ARHGEF10L: variants seen among roughly 807,000 people sequenced by gnomAD.
The protein encoded by ARHGEF10L is rho guanine nucleotide exchange factor 10-like protein.
Under a neutral mutation model 141.2 loss-of-function variants are expected in ARHGEF10L, and 69 were observed. That is an observed-to-expected ratio of 0.49 (90% CI 0.40 to 0.60). The LOEUF is 0.60. Ranked by LOEUF, ARHGEF10L falls within the 20% of genes least tolerant of loss-of-function variation. The probability of loss-of-function intolerance (pLI) is 0.00; values close to 1 mark genes in which losing one functional copy is unlikely to be tolerated. For synonymous variants in ARHGEF10L, 711 were observed against 718.5 expected, an observed-to-expected ratio of 0.99 and a Z score of 0.17; for missense variants, 1,482 against 1,734.3, an observed-to-expected ratio of 0.85 and a Z score of 2.58.
chr1:17,626,387 A>T (rs1474423263), intron 14 of ARHGEF10L, among the ~76,000 whole-genome samples: 1 of 152,084 alleles, frequency 6.6e-6, no homozygotes, highest in Non-Finnish European at 1.5e-5. Flanking sequence ...TGGCCATTTC[A>T]GATTCGAGCT....
At chr1:17,616,724 C>T (rs2059828271) in intron 9 of ARHGEF10L, among the ~76,000 whole-genome samples, 1 of 152,198 alleles carries the variant, frequency 6.6e-6, no homozygotes, top group Non-Finnish European at 1.5e-5. Flanking sequence ...ACAAGTGGTC[C>T]ACTGGGGTGC....
the ARHGEF10L span, among the ~76,000 whole-genome samples, chr1:17,518,714 C>A: frequency 6.7e-6 from 1 of 148,150 alleles, no homozygotes; most frequent in Non-Finnish European, 1.5e-5. Flanking sequence ...ATCACTTGAA[C>A]CTGGGAGGCG....
chr1:17,626,117 G>A (rs2060371555), intron 14 of ARHGEF10L, 69 bp downstream of exon 14: 1 of 1,398,760 alleles, frequency 7.1e-7, no homozygotes, highest in Non-Finnish European at 1.0e-6. Flanking sequence ...GCCTCCTGGG[G>A]TAGGAGGGAG....
Position 17,697,812 on chromosome 1 carries a change from T to G in ARHGEF10L, c.*432T>G. ...GTATATTATATGTGTATAAATAAAG[T>G]CTGTACATATTGGAGCTCTGGGAGA... On this transcript the variant is annotated 3_prime_UTR_variant, in exon 29 of 29. Transcript: ENST00000361221. The surrounding 1 kb of genome is among the most constrained non-coding windows in gnomAD (Gnocchi z 4.8). 3.4e-6 allele frequency: 1 copy of G among 298,478 alleles called. No individual in the cohort carries two copies. Among genetic ancestry groups the G allele is most frequent in the Non-Finnish European group, 6.9e-6 (1 of 144,242 alleles). 18.5% of individuals were successfully genotyped at this position (298,478 alleles called of 1,614,324 possible).
intron 1 of ARHGEF10L, among the ~76,000 whole-genome samples, chr1:17,548,949 C>A (rs2077014660): frequency 6.7e-6 from 1 of 150,088 alleles, no homozygotes; most frequent in South Asian, 2.1e-4. Context: ...ACTTCTGGCC[C>A]TGGGATGGCA....
intron 21 of ARHGEF10L, 125 bp downstream of exon 21, chr1:17,640,427 G>A (rs1434219615): frequency 1.3e-6 from 1 of 781,012 alleles, no homozygotes; most frequent in African/African-American, 1.8e-5. Context: ...CTGAGTGGGA[G>A]GGAGGTGGTG....
the ARHGEF10L span, among the ~76,000 whole-genome samples, chr1:17,517,658 ATTATTC>A: frequency 6.6e-6 from 1 of 151,518 alleles, no homozygotes; most frequent in African/African-American, 2.4e-5. Flanking sequence ...GATTATCATT[ATTATTC>A]TTTTCTTTCT....
At position 17,697,163 on chromosome 1, in the gene ARHGEF10L, G is replaced by T. The variant is rs749987496; in HGVS notation, c.3623G>T (p.Gly1208Val). 1.2e-6 allele frequency: 2 copies of T among 1,611,840 alleles called. No individual in the cohort carries two copies. Among genetic ancestry groups the T allele is most frequent in the African/African-American group, 2.7e-5 (2 of 74,936 alleles). ...GCTTTGGAGCACAGCGAGGAGGACG[G>T]CTCCATTTACGAGATGGCCGACGAC... ...GAALEHSEED[G>V]SIYEMADDPD... The change falls in exon 29 of 29, where the codon GGC (glycine) becomes GTC (valine). Residue 1208 changes from glycine to valine, a missense_variant. Physicochemically the swap from Gly to Val is moderately radical, Grantham distance 109. This residue lies in a region of ARHGEF10L where 858 missense variants were observed against 966.3 expected (regional missense o/e 0.89). Transcript: ENST00000361221. The surrounding 1 kb of genome is among the most constrained non-coding windows in gnomAD (Gnocchi z 4.8).
chr1:17,653,979 G>A (rs905132367), intron 22 of ARHGEF10L, among the ~76,000 whole-genome samples: 18 of 152,226 alleles, frequency 1.2e-4, no homozygotes, highest in African/African-American at 3.6e-4. Context: ...AAAGGGCCCA[G>A]TGGTCGGCTG....
chr1:17,550,751 A>G (rs1414245190), intron 1 of ARHGEF10L, among the ~76,000 whole-genome samples: 1 of 152,110 alleles, frequency 6.6e-6, no homozygotes, highest in Non-Finnish European at 1.5e-5. Flanking sequence ...TAAAGGGGAC[A>G]GGTGTGACCA....
intron 1 of ARHGEF10L, among the ~76,000 whole-genome samples, chr1:17,556,587 G>A (rs1185979569): frequency 6.6e-6 from 1 of 152,194 alleles, no homozygotes; most frequent in African/African-American, 2.4e-5. Flanking sequence ...TCTCTCAGAA[G>A]GCGCAGTGTG....
At chr1:17,542,243 G>T (rs981606842) in intron 1 of ARHGEF10L, among the ~76,000 whole-genome samples, 2 of 152,118 alleles carry the variant, frequency 1.3e-5, no homozygotes, top group African/African-American at 4.8e-5. Flanking sequence ...GAGCGCAGGT[G>T]TTCGGGACCA....
At chr1:17,634,423 G>A (rs1212374596) in intron 16 of ARHGEF10L, 125 bp from the exon 17 acceptor site, 2 of 1,512,466 alleles carry the variant, frequency 1.3e-6, no homozygotes, top group Non-Finnish European at 1.8e-6. Flanking sequence ...TTCCCCGCAG[G>A]AGGCTGTCTC....
At chr1:17,678,825 G>A (rs2063891228) in intron 26 of ARHGEF10L, among the ~76,000 whole-genome samples, 1 of 152,220 alleles carries the variant, frequency 6.6e-6, no homozygotes, top group Admixed American at 6.5e-5. Flanking sequence ...GGGTTTTTGG[G>A]TTGACACCAA....
intron 1 of ARHGEF10L, among the ~76,000 whole-genome samples, chr1:17,557,290 G>T (rs2077367167): frequency 6.7e-6 from 1 of 150,094 alleles, no homozygotes; most frequent in Non-Finnish European, 1.5e-5. Flanking sequence ...TTGCAGTGAG[G>T]CAAGATTGTG....
rs555260527 is a variant in ARHGEF10L at position 17,562,526 on chromosome 1, G to C, written c.-43-18027G>C. Among the ~76,000 whole-genome samples, 19 of 152,336 alleles carry C rather than the reference G, an allele frequency of 1.2e-4. 1 individual carries two copies. Among genetic ancestry groups the C allele is most frequent in the Admixed American group, 1.2e-3 (19 of 15,306 alleles). On this transcript the variant is annotated intron_variant, in intron 1 of 28. Coordinates refer to ENST00000361221, the MANE Select transcript of ARHGEF10L (RefSeq NM_018125.4). ...CATAAAGCACTGCATATGGTTCCTG[G>C]TTTTAGTAGAGTCTCAGAAATGACA... is the stretch of plus-strand genomic sequence containing the variant.
chr1:17,646,279 C>T (rs2061595018), intron 21 of ARHGEF10L, among the ~76,000 whole-genome samples: 1 of 152,236 alleles, frequency 6.6e-6, no homozygotes, highest in African/African-American at 2.4e-5. Context: ...GGGCTGCTCT[C>T]AGGGTGGTCC....
chr1:17,695,372 T>A (rs2279816), intron 28 of ARHGEF10L, 92 bp downstream of exon 28: 1 of 1,484,650 alleles, frequency 6.7e-7, no homozygotes, highest in South Asian at 1.4e-5. Flanking sequence ...ATGCCCTCAT[T>A]GGTATAGGGA....
chr1:17,591,084 C>A (rs1490762283), intron 4 of ARHGEF10L, among the ~76,000 whole-genome samples: 1 of 152,186 alleles, frequency 6.6e-6, no homozygotes, highest in Non-Finnish European at 1.5e-5. Context: ...CTATTGGATT[C>A]TGACTCTGGC....
Sources: gnomAD v4.1 joint callset for allele counts (sites outside exome capture counted in the v4.1 genomes callset) on GRCh38, gnomAD v4.1.1 for gene constraint, gnomAD v4.1.1 regional missense constraint, Gnocchi (gnomAD v3.1) non-coding constraint, MANE v1.5 for transcripts, NCBI Gene and HGNC (gene_info 2026-07-23, HGNC 2026-07-21) for gene names.